The following XIRP2 variants were observed in gnomAD, a reference collection of about 807,000 sequenced individuals.
The protein encoded by XIRP2 is xin actin binding repeat containing 2.
In XIRP2, 236 loss-of-function variants were observed where a neutral mutation model predicts 277.0. The observed-to-expected ratio is 0.85, with a 90% CI of 0.77 to 0.95. The LOEUF (loss-of-function observed/expected upper bound fraction) is 0.95, where lower values mean the gene tolerates loss of function less well. Among genes scored for constraint, XIRP2 ranks in the 40% least tolerant of loss-of-function variants. The pLI is 0.00. For synonymous variants in XIRP2, 1,490 were observed against 1,416.5 expected (o/e 1.05, Z -1.17); for missense variants, 4,640 against 4,157.5 (o/e 1.12, Z -3.19).
intron 2 of XIRP2, among the ~76,000 whole-genome samples, chr2:167,068,874 T>C (rs1185991508): frequency 6.6e-6 from 1 of 152,176 alleles, no homozygotes; most frequent in African/African-American, 2.4e-5. Flanking sequence ...TATCATTAGC[T>C]TTAGTGTATT....
rs1286200619 is a variant in XIRP2, at chr2:167,032,141, A to T, written c.409-103768A>T. ...ATGGAACAGAAGAAAGACCTCAGAA[A>T]TGACACCACACATCTACAACCATCT... On this transcript the variant is annotated intron_variant, in intron 2 of 10. Transcript: ENST00000409195. Among the ~76,000 whole-genome samples the T allele has an allele frequency of 2.0e-5, 3 of 152,270 alleles. No homozygotes were observed. The East Asian group carries it at 5.8e-4, about 29-fold the overall frequency.
chr2:167,129,998 G>C (rs1020439332), intron 2 of XIRP2, among the ~76,000 whole-genome samples: 10 of 152,002 alleles, frequency 6.6e-5, no homozygotes, highest in Non-Finnish European at 1.3e-4. Flanking sequence ...ACCTCACTGA[G>C]AGATTTTACT....
chr2:166,939,570 C>T (rs1327088496), intron 2 of XIRP2, among the ~76,000 whole-genome samples: 1 of 150,770 alleles, frequency 6.6e-6, no homozygotes, highest in Non-Finnish European at 1.5e-5. Flanking sequence ...GTCCCAGCTA[C>T]TCGGGAGGCT....
chr2:167,198,823 T>C (rs1693597182), intron 3 of XIRP2, among the ~76,000 whole-genome samples: 1 of 152,196 alleles, frequency 6.6e-6, no homozygotes, highest in African/African-American at 2.4e-5. Flanking sequence ...GAAAGTGTGT[T>C]GAATTAGTGT....
intron 5 of XIRP2, among the ~76,000 whole-genome samples, chr2:167,228,566 A>C (rs7575951): frequency 0.15 from 22,917 of 152,052 alleles, 2,141 homozygotes; most frequent in African/African-American, 0.27. Flanking sequence ...CTGAAAAAAA[A>C]CTAAGTACAC....
intron 2 of XIRP2, among the ~76,000 whole-genome samples, chr2:167,073,668 T>C (rs1431159784): frequency 6.6e-6 from 1 of 152,208 alleles, no homozygotes; most frequent in African/African-American, 2.4e-5. Flanking sequence ...AACAAATAGA[T>C]AAATTAAATT....
At chr2:166,983,310 T>C (rs935110939) in intron 2 of XIRP2, among the ~76,000 whole-genome samples, 1 of 152,166 alleles carries the variant, frequency 6.6e-6, no homozygotes, top group African/African-American at 2.4e-5. Context: ...CATGTGATTG[T>C]TTTGATAGAT....
chr2:167,251,544 G>A lies in XIRP2; in HGVS notation c.10152G>A (p.Thr3384=), dbSNP rs1695503530. The A allele has an allele frequency of 1.9e-6, 3 of 1,613,470 alleles. No individual in the cohort carries two copies. Among genetic ancestry groups the A allele is most frequent in the Non-Finnish European group, 2.5e-6 (3 of 1,179,604 alleles). Residue 3384 remains threonine, a synonymous_variant, in exon 9 of 11, where the codon ACG becomes ACA. Coordinates refer to ENST00000409195, the MANE Select transcript of XIRP2 (RefSeq NM_152381.6). The part of the protein sequence containing the change: ...EEFGLTSLGN[T]SFTDFSCKHP... ...TTGGATTAACATCTTTAGGAAACAC[G>A]AGTTTTACAGACTTTTCTTGCAAAC...
intron 3 of XIRP2, among the ~76,000 whole-genome samples, chr2:167,179,766 C>T (rs73025796): frequency 1.3e-5 from 2 of 151,812 alleles, no homozygotes; most frequent in South Asian, 2.1e-4. Flanking sequence ...CAGCCTCTAA[C>T]GTAGCTGGGA....
chr2:167,249,618 C>A lies in XIRP2; in HGVS notation c.8226C>A (p.Thr2742=), dbSNP rs1353049048. 1.2e-6 allele frequency: 2 copies of A among 1,613,574 alleles called. No homozygotes were observed. Among genetic ancestry groups the A allele is most frequent in the Non-Finnish European group, 1.7e-6 (2 of 1,179,788 alleles). Residue 2742 remains threonine (T), a synonymous_variant, in exon 9 of 11, where the codon ACC becomes ACA. Transcript: ENST00000409195. ...HKQQSEIDVQ[T]FTKKQYLKTK... The stretch of plus-strand genomic sequence containing the variant: ...AGCAATCTGAGATTGATGTTCAAAC[C>A]TTTACCAAAAAACAATATCTGAAAA...
At chr2:167,104,407 T>C (rs569124008) in intron 2 of XIRP2, among the ~76,000 whole-genome samples, 2 of 152,254 alleles carry the variant, frequency 1.3e-5, no homozygotes, top group African/African-American at 4.8e-5. Flanking sequence ...TAACCATTAT[T>C]GTTGCAGAAT....
At chr2:167,187,256 A>G in intron 3 of XIRP2, 1 of 985,336 alleles carries the variant, frequency 1.0e-6, no homozygotes, top group Non-Finnish European at 1.2e-6. Context: ...ACTCTTCTTA[A>G]AAGAGTGGTT....
At chr2:167,256,888 C>A (rs1695672191) in intron 10 of XIRP2, among the ~76,000 whole-genome samples, 1 of 151,814 alleles carries the variant, frequency 6.6e-6, no homozygotes, top group South Asian at 2.1e-4. Flanking sequence ...TAATCATTAT[C>A]CTGCTCAATC....
intron 3 of XIRP2, among the ~76,000 whole-genome samples, chr2:167,151,769 T>A (rs749135713): frequency 6.6e-6 from 1 of 151,626 alleles, no homozygotes; most frequent in South Asian, 2.1e-4. Flanking sequence ...ATGCAGACAA[T>A]AAGTAGGTAA....
chr2:166,971,337 CA>C (rs1214275457), intron 2 of XIRP2, among the ~76,000 whole-genome samples: 1 of 151,466 alleles, frequency 6.6e-6, no homozygotes, highest in African/African-American at 2.4e-5. Context: ...GAAAATTCAT[CA>C]AAAAGTTCCA....
chr2:167,203,430 A>T (rs754295919), intron 3 of XIRP2, among the ~76,000 whole-genome samples: 2 of 152,212 alleles, frequency 1.3e-5, no homozygotes, highest in African/African-American at 4.8e-5. Flanking sequence ...TTGGGAAGGT[A>T]ACAAGTACAC....
At chr2:167,065,383 T>C (rs2105244367) in intron 2 of XIRP2, among the ~76,000 whole-genome samples, 1 of 152,036 alleles carries the variant, frequency 6.6e-6, no homozygotes. Flanking sequence ...TTTTGAGTTT[T>C]AGGAGTTCTT....
At chr2:166,920,224 C>A (rs775160370) in intron 2 of XIRP2, among the ~76,000 whole-genome samples, 1 of 152,058 alleles carries the variant, frequency 6.6e-6, no homozygotes, top group Non-Finnish European at 1.5e-5. Context: ...TCATAGAAGG[C>A]AAGAACTATA....
intron 2 of XIRP2, among the ~76,000 whole-genome samples, chr2:166,961,723 C>A (rs2105408103): frequency 6.6e-6 from 1 of 151,730 alleles, no homozygotes; most frequent in East Asian, 1.9e-4. Flanking sequence ...ATTTTTAATC[C>A]CTATCAACTT....
Sources: allele counts gnomAD v4.1 joint callset (sites outside exome capture counted in the v4.1 genomes callset), GRCh38; gene constraint gnomAD v4.1.1; transcripts MANE v1.5; gene names NCBI Gene and HGNC (gene_info 2026-07-23, HGNC 2026-07-21).